The following TENM4 variants were observed in gnomAD, a reference collection of about 807,000 sequenced individuals.
TENM4 encodes teneurin-4.
In TENM4, 82 loss-of-function variants were observed where a neutral mutation model predicts 243.3. That is an observed-to-expected ratio of 0.34 (90% CI 0.28 to 0.40). The LOEUF (loss-of-function observed/expected upper bound fraction) is 0.40. TENM4 is among the 10% of genes least tolerant of loss of function. The pLI, the probability that TENM4 is intolerant of heterozygous loss-of-function variation, is 1.00. For synonymous variants in TENM4, 1,412 were observed against 1,456.3 expected, an observed-to-expected ratio of 0.97 and a Z score of 0.69; for missense variants, 3,138 against 3,673.3, an observed-to-expected ratio of 0.85 and a Z score of 3.77.
In TENM4 at chr11:79,013,144, C is replaced by T. The variant is rs374272074; in HGVS notation, c.493+51594G>A. ...TATTATGGTGCCTCTTTCAGACATT[C>T]GGGAAATGGCAACATTCAGGGGGCA... On this transcript the variant is annotated intron_variant, in intron 6 of 33. Transcript: ENST00000278550. 3.3e-5 allele frequency among the ~76,000 whole-genome samples: 5 copies of T among 152,184 alleles called. No individual in the cohort carries two copies. In the East Asian group the frequency reaches 5.8e-4, roughly 18 times the overall value.
chr11:79,151,574 G>T (rs575025791), intron 3 of TENM4, among the ~76,000 whole-genome samples: 1 of 152,224 alleles, frequency 6.6e-6, no homozygotes, highest in African/African-American at 2.4e-5. Flanking sequence ...TCATCCATGG[G>T]ACCTGGCCGG....
intron 1 of TENM4, among the ~76,000 whole-genome samples, chr11:79,386,657 T>G (rs1858118000): frequency 6.6e-6 from 1 of 151,958 alleles, no homozygotes; most frequent in African/African-American, 2.4e-5. Flanking sequence ...GTGCCCTATT[T>G]CAGTAGATAC....
At chr11:78,733,837 T>C (rs1855726892) in intron 20 of TENM4, among the ~76,000 whole-genome samples, 1 of 152,176 alleles carries the variant, frequency 6.6e-6, no homozygotes, top group African/African-American at 2.4e-5. Flanking sequence ...AGGCTGGGTC[T>C]GCTGAATTAA....
At chr11:79,055,769 T>A (rs1330641112) in intron 6 of TENM4, among the ~76,000 whole-genome samples, 1 of 152,198 alleles carries the variant, frequency 6.6e-6, no homozygotes, top group Non-Finnish European at 1.5e-5. Context: ...ACAAAGTCAC[T>A]CAATTCCTAA....
intron 6 of TENM4, among the ~76,000 whole-genome samples, chr11:79,054,859 A>C (rs1859900739): frequency 6.6e-6 from 1 of 152,110 alleles, no homozygotes; most frequent in South Asian, 2.1e-4. Context: ...GGCTGGGTGC[A>C]GTGACTCATG....
At chr11:78,658,956 G>A in intron 33 of TENM4, 140 bp from the exon 34 acceptor site, 2 of 961,528 alleles carry the variant, frequency 2.1e-6, no homozygotes, top group South Asian at 3.4e-5. Context: ...CTGACCACCA[G>A]AACATCCAGG....
At chr11:79,066,693 C>G (rs1860262729) in intron 5 of TENM4, among the ~76,000 whole-genome samples, 1 of 150,938 alleles carries the variant, frequency 6.6e-6, no homozygotes, top group African/African-American at 2.5e-5. Flanking sequence ...CGCATGCACA[C>G]TCGAGCACAC....
At chr11:79,300,767 C>T (rs1170033701) in intron 1 of TENM4, among the ~76,000 whole-genome samples, 6 of 152,200 alleles carry the variant, frequency 3.9e-5, no homozygotes, top group Non-Finnish European at 8.8e-5. Context: ...ATGCTTTACT[C>T]ATTTTGTGTG....
At chr11:78,957,349 A>C (rs531543079) in intron 6 of TENM4, among the ~76,000 whole-genome samples, 1 of 152,224 alleles carries the variant, frequency 6.6e-6, no homozygotes, top group South Asian at 2.1e-4. Flanking sequence ...CACGAAATTC[A>C]TAGTGAAAGA....
At chr11:78,955,236 C>G (rs1268374069) in intron 6 of TENM4, among the ~76,000 whole-genome samples, 1 of 152,222 alleles carries the variant, frequency 6.6e-6, no homozygotes, top group Non-Finnish European at 1.5e-5. Context: ...TCACATTTCT[C>G]CAATCTCACA....
At chr11:78,874,994 C>T (rs1859229815) in intron 9 of TENM4, among the ~76,000 whole-genome samples, 1 of 152,152 alleles carries the variant, frequency 6.6e-6, no homozygotes, top group African/African-American at 2.4e-5. Context: ...CTGGAGGAAG[C>T]CTGGAGAACA....
At chr11:78,693,185 C>T (rs924280483) in intron 28 of TENM4, among the ~76,000 whole-genome samples, 5 of 152,148 alleles carry the variant, frequency 3.3e-5, no homozygotes, top group Non-Finnish European at 7.3e-5. Context: ...ATTTGTTTTG[C>T]CTTTCCTTGT....
intron 4 of TENM4, among the ~76,000 whole-genome samples, chr11:79,090,501 C>A (rs1466062872): frequency 6.6e-6 from 1 of 152,212 alleles, no homozygotes; most frequent in Non-Finnish European, 1.5e-5. Context: ...TTGCATCTGG[C>A]AACTCATTCG....
chr11:78,752,553 G>C (rs1856214416), intron 19 of TENM4, among the ~76,000 whole-genome samples: 2 of 152,208 alleles, frequency 1.3e-5, no homozygotes. Context: ...GCTTCCTGGA[G>C]GCTGTTAAAT....
At chr11:79,306,207 A>C (rs758792478) in intron 1 of TENM4, among the ~76,000 whole-genome samples, 5 of 152,242 alleles carry the variant, frequency 3.3e-5, no homozygotes, top group Non-Finnish European at 5.9e-5. Context: ...GAGACAAGGC[A>C]CACGAGCTTT....
At chr11:79,204,657 T>C (rs1024837816) in intron 3 of TENM4, among the ~76,000 whole-genome samples, 2 of 152,136 alleles carry the variant, frequency 1.3e-5, no homozygotes, top group African/African-American at 4.8e-5. Context: ...TAAATAGGTA[T>C]AGTTTGGAAG....
chr11:79,136,725 G>A (rs111596394), intron 4 of TENM4, among the ~76,000 whole-genome samples: 1 of 152,150 alleles, frequency 6.6e-6, no homozygotes, highest in Non-Finnish European at 1.5e-5. Flanking sequence ...CTCACAGAAT[G>A]CCTTATCCAC....
intron 4 of TENM4, among the ~76,000 whole-genome samples, chr11:79,125,096 A>G (rs886658737): frequency 7.9e-5 from 12 of 151,916 alleles, no homozygotes; most frequent in Admixed American, 2.0e-4. Context: ...TAAGGACTCT[A>G]CTTCTAATCC....
chr11:79,222,659 C>A (rs1007263050), intron 2 of TENM4, among the ~76,000 whole-genome samples: 6 of 152,168 alleles, frequency 3.9e-5, no homozygotes, highest in African/African-American at 1.4e-4. Flanking sequence ...CACAGCCTTG[C>A]CAGAATCTGT....
Sources: allele counts gnomAD v4.1 joint callset (sites outside exome capture counted in the v4.1 genomes callset), GRCh38; gene constraint gnomAD v4.1.1; transcripts MANE v1.5; gene names NCBI Gene and HGNC (gene_info 2026-07-23, HGNC 2026-07-21).